The following TNKS2 variants were observed in gnomAD, a reference collection of about 807,000 sequenced individuals.
TNKS2 encodes tankyrase 2, also known as poly [ADP-ribose] polymerase tankyrase-2.
Under a neutral mutation model 137.6 loss-of-function variants are expected in TNKS2, and 72 were observed. The ratio of observed to expected loss-of-function variants is 0.52; its 90% CI spans 0.43 to 0.64. TNKS2 has a LOEUF of 0.64. TNKS2 is among the 30% of genes least tolerant of loss of function. The pLI is 0.00. For missense variants in TNKS2, 1,049 were observed against 1,410.2 expected, an observed-to-expected ratio of 0.74 and a Z score of 4.10; for synonymous variants, 516 against 512.1, an observed-to-expected ratio of 1.01 and a Z score of -0.10.
chr10:91,841,172 A>G (rs758512112), intron 14 of TNKS2, 111 bp from the exon 15 acceptor site: 1 of 965,910 alleles, frequency 1.0e-6, no homozygotes, highest in Non-Finnish European at 1.4e-6. Context: ...ACAAAGTATA[A>G]TCAGTATAAT....
At chr10:91,806,983 A>G (rs1007068421) in intron 1 of TNKS2, among the ~76,000 whole-genome samples, 6 of 152,250 alleles carry the variant, frequency 3.9e-5, no homozygotes, top group African/African-American at 1.4e-4. Flanking sequence ...CCAAAAGTAA[A>G]TAAAGGCTTT....
At chr10:91,856,901 CTAA>C (rs1179851764) in intron 23 of TNKS2, among the ~76,000 whole-genome samples, 3 of 149,964 alleles carry the variant, frequency 2.0e-5, no homozygotes, top group African/African-American at 7.3e-5. Flanking sequence ...AGAAATACTC[CTAA>C]TGAGACTGAT....
intron 2 of TNKS2, among the ~76,000 whole-genome samples, chr10:91,816,453 C>T (rs1167062355): frequency 6.6e-6 from 1 of 152,132 alleles, no homozygotes; most frequent in Admixed American, 6.5e-5. Flanking sequence ...GAGTAATTTG[C>T]ACCTCGGTTT....
intron 1 of TNKS2, among the ~76,000 whole-genome samples, chr10:91,803,699 G>A (rs1844245198): frequency 6.6e-6 from 1 of 152,188 alleles, no homozygotes; most frequent in African/African-American, 2.4e-5. Context: ...GAGAGTCCTG[G>A]CTAAAGGTTG....
chr10:91,802,835 A>G (rs1307071262), intron 1 of TNKS2, among the ~76,000 whole-genome samples: 1 of 152,262 alleles, frequency 6.6e-6, no homozygotes, highest in Admixed American at 6.5e-5. Flanking sequence ...GCTATGGGAG[A>G]TAAATCATAC....
intron 11 of TNKS2, among the ~76,000 whole-genome samples, chr10:91,832,485 T>C (rs1021645057): frequency 1.4e-4 from 21 of 149,810 alleles, no homozygotes; most frequent in African/African-American, 5.0e-4. Context: ...TTTTTTTTTT[T>C]AAGTGGGTAT....
chr10:91,850,245 T>A (rs1044220323), intron 20 of TNKS2, among the ~76,000 whole-genome samples: 2 of 150,920 alleles, frequency 1.3e-5, no homozygotes, highest in Non-Finnish European at 2.9e-5. Flanking sequence ...GGCAGGCACC[T>A]ATAATCCCAC....
intron 21 of TNKS2, 66 bp downstream of exon 21, chr10:91,851,402 T>G: frequency 6.7e-7 from 1 of 1,494,220 alleles, no homozygotes; most frequent in Non-Finnish European, 8.9e-7. Context: ...CTCAGTGTAC[T>G]AAGTTATAAT....
At chr10:91,825,748 T>G (rs1469595866) in intron 7 of TNKS2, among the ~76,000 whole-genome samples, 1 of 152,204 alleles carries the variant, frequency 6.6e-6, no homozygotes, top group Admixed American at 6.5e-5. Context: ...GGTCCATACT[T>G]AGCCAACTCC....
intron 13 of TNKS2, among the ~76,000 whole-genome samples, chr10:91,839,873 T>C (rs1246558114): frequency 6.6e-6 from 1 of 152,260 alleles, no homozygotes; most frequent in Non-Finnish European, 1.5e-5. Context: ...TTCTGAATTC[T>C]TAATAAGCTC....
rs1336115107 is a variant in TNKS2 at position 91,798,898 on chromosome 10, G to A, written c.199+9G>A. 3 of 1,380,072 alleles carry A rather than the reference G, an allele frequency of 2.2e-6. No homozygotes were observed. Among genetic ancestry groups the A allele is most frequent in the Admixed American group, 3.3e-5 (1 of 30,706 alleles). 85.5% of individuals were successfully genotyped at this position (1,380,072 alleles called of 1,614,324 possible). On this transcript the variant is annotated intron_variant, in intron 1 of 26. Coordinates refer to ENST00000371627, the MANE Select transcript of TNKS2 (RefSeq NM_025235.4). The stretch of plus-strand genomic sequence containing the variant: ...GCTGCACTTCGCCGCAGGTAACCGG[G>A]GCCAGCGTCCCCTCGCCTCGCTCCA...
intron 21 of TNKS2, among the ~76,000 whole-genome samples, chr10:91,852,411 T>A (rs1842568055): frequency 6.7e-6 from 1 of 149,170 alleles, no homozygotes; most frequent in African/African-American, 2.5e-5. Context: ...CAAAAAAAAA[T>A]TAGCCAGGCG....
At chr10:91,819,139 G>A (rs1191756438) in intron 3 of TNKS2, 131 bp from the exon 4 acceptor site, 3 of 560,210 alleles carry the variant, frequency 5.4e-6, no homozygotes, top group African/African-American at 2.0e-5. Context: ...TTCTGTTAAT[G>A]AACTATTTTC....
intron 7 of TNKS2, among the ~76,000 whole-genome samples, chr10:91,826,328 A>T (rs1451559595): frequency 1.3e-5 from 2 of 152,206 alleles, no homozygotes; most frequent in Non-Finnish European, 2.9e-5. Flanking sequence ...TTTTCAGATG[A>T]GAGATACTCA....
At chr10:91,829,233 C>T (rs1467839357) in intron 9 of TNKS2, among the ~76,000 whole-genome samples, 7 of 151,454 alleles carry the variant, frequency 4.6e-5, no homozygotes, top group African/African-American at 1.7e-4. Flanking sequence ...TAGAAACCTA[C>T]CTATAAAGCA....
At chr10:91,817,673 G>C (rs1844753486) in intron 3 of TNKS2, among the ~76,000 whole-genome samples, 1 of 152,018 alleles carries the variant, frequency 6.6e-6, no homozygotes, top group South Asian at 2.1e-4. Context: ...TTGATGGAAT[G>C]CTTTCAAAAA....
At position 91,855,009 on chromosome 10, in the gene TNKS2, C is replaced by T. The variant is rs1842661645; in HGVS notation, c.2816-20C>T. ...GTTTATTGGCAATTTATTTTTCTAC[C>T]TTCAAATTTTGTTTCATAGGTCTTA... On this transcript the variant is annotated intron_variant, in intron 21 of 26. Coordinates refer to ENST00000371627, the MANE Select transcript of TNKS2 (RefSeq NM_025235.4). The T allele has an allele frequency of 1.5e-6, 2 of 1,373,784 alleles. No homozygotes were observed. The highest frequency in any genetic ancestry group is 2.0e-6 in the Non-Finnish European group (2 of 980,618). The allele number at this position is 1,373,784 out of a possible 1,614,324, so 85.1% of individuals were successfully genotyped here. A position where few individuals can be genotyped will look rare whatever the true frequency, so the allele number is the denominator to read the frequency against.
rs117771560 is a variant in TNKS2, at chr10:91,812,084, C to T, written c.200-899C>T. Among the ~76,000 whole-genome samples the T allele has an allele frequency of 9.1e-3, 1,373 of 150,542 alleles. 14 individuals carry two copies. The highest frequency in any genetic ancestry group is 0.014 in the Non-Finnish European group (959 of 67,662). On this transcript the variant is annotated intron_variant, in intron 1 of 26. Coordinates refer to ENST00000371627, the MANE Select transcript of TNKS2 (RefSeq NM_025235.4). ...AAAAAAAAAAAAAAAAAGAATAGAA[C>T]GGAGAAAATTTCAGAAGAGTGAGCA...
chr10:91,847,060 G>A (rs1173628573), intron 18 of TNKS2, among the ~76,000 whole-genome samples: 3 of 152,074 alleles, frequency 2.0e-5, no homozygotes, highest in African/African-American at 7.2e-5. Flanking sequence ...ATTAAATGGG[G>A]TAATTTACTT....
Sources: allele counts gnomAD v4.1 joint callset (sites outside exome capture counted in the v4.1 genomes callset), GRCh38; gene constraint gnomAD v4.1.1; transcripts MANE v1.5; gene names NCBI Gene and HGNC (gene_info 2026-07-23, HGNC 2026-07-21).